LRRC7: variants seen among roughly 807,000 people sequenced by gnomAD.
LRRC7 encodes the protein leucine rich repeat containing 7, also known as leucine-rich repeat-containing protein 7.
Under a neutral mutation model 175.7 loss-of-function variants are expected in LRRC7, and 23 were observed. That is an observed-to-expected ratio of 0.13 (90% CI 0.09 to 0.19). The LOEUF is 0.19. LRRC7 is among the 10% of genes least tolerant of loss of function. The probability of loss-of-function intolerance (pLI) is 1.00; values close to 1 mark genes in which losing one functional copy is unlikely to be tolerated. For missense variants in LRRC7, 1,354 were observed against 1,904.7 expected, an observed-to-expected ratio of 0.71 and a Z score of 5.38; for synonymous variants, 685 against 680.9, an observed-to-expected ratio of 1.01 and a Z score of -0.09.
At chr1:70,056,601 C>T (rs951079135) in intron 23 of LRRC7, among the ~76,000 whole-genome samples, 7 of 152,140 alleles carry the variant, frequency 4.6e-5, no homozygotes, top group African/African-American at 1.4e-4. Context: ...TCAAATCCAG[C>T]AAGAGAGAGA....
chr1:69,863,324 A>G (rs964239018), intron 7 of LRRC7, among the ~76,000 whole-genome samples: 6 of 152,166 alleles, frequency 3.9e-5, no homozygotes, highest in Non-Finnish European at 5.9e-5. Context: ...TTTAATTTCT[A>G]TATAACACTG....
intron 4 of LRRC7, among the ~76,000 whole-genome samples, chr1:69,793,549 T>C (rs942628197): frequency 6.6e-6 from 1 of 152,060 alleles, no homozygotes; most frequent in Non-Finnish European, 1.5e-5. Flanking sequence ...TTTTCTTAAA[T>C]GTACTGTCAA....
chr1:69,805,489 C>A (rs1476213233), intron 4 of LRRC7, among the ~76,000 whole-genome samples: 1 of 151,908 alleles, frequency 6.6e-6, no homozygotes, highest in African/African-American at 2.4e-5. Flanking sequence ...CAAACCATTA[C>A]ACCATTTATT....
intron 2 of LRRC7, among the ~76,000 whole-genome samples, chr1:69,715,763 T>G (rs569421409): frequency 1.3e-5 from 2 of 152,100 alleles, no homozygotes; most frequent in South Asian, 4.1e-4. Context: ...ATAAAATATT[T>G]TTTAAATTTT....
chr1:69,853,350 C>A (rs1019494547), intron 7 of LRRC7, among the ~76,000 whole-genome samples: 3 of 132,432 alleles, frequency 2.3e-5, no homozygotes, highest in Non-Finnish European at 4.6e-5. Context: ...GTGGTCTCAG[C>A]TTACTGCAAC....
Position 70,131,023 on chromosome 1 carries a change from C to G in LRRC7, c.*9136C>G, listed in dbSNP as rs1214779334. On this transcript the variant is annotated 3_prime_UTR_variant, in exon 27 of 27. Transcript: ENST00000651989. ...ATGAATAGATCCCACCCCCTATATC[C>G]CTAAAGTGAAGATGTCATATAGTTC... 6.6e-6 allele frequency among the ~76,000 whole-genome samples: 1 copy of G among 152,100 alleles called. No individual in the cohort carries two copies. Among genetic ancestry groups the G allele is most frequent in the Admixed American group, 6.6e-5 (1 of 15,264 alleles).
chr1:69,916,054 T>C (rs559731862), intron 7 of LRRC7, among the ~76,000 whole-genome samples: 34 of 72,836 alleles, frequency 4.7e-4, no homozygotes, highest in African/African-American at 1.4e-3. Flanking sequence ...ATATATATTT[T>C]ATATGTATAT....
intron 1 of LRRC7, among the ~76,000 whole-genome samples, chr1:69,599,195 A>G (rs1185328100): frequency 6.6e-6 from 1 of 151,836 alleles, no homozygotes; most frequent in Non-Finnish European, 1.5e-5. Context: ...CAGAAGTAGG[A>G]TGGAATATAG....
chr1:70,014,147 GGAAAATGAGGAAAATACGTT>G (rs1180358181), intron 13 of LRRC7: 1 of 151,902 alleles, frequency 6.6e-6, no homozygotes, highest in Non-Finnish European at 1.5e-5. Context: ...TTACTAGCCT[GGAAAATGAGGAAAATACGTT>G]GAAAGTTGTT....
At chr1:69,594,609 T>C (rs1006998771) in intron 1 of LRRC7, among the ~76,000 whole-genome samples, 1 of 152,198 alleles carries the variant, frequency 6.6e-6, no homozygotes, top group African/African-American at 2.4e-5. Context: ...CTATACTAAG[T>C]CTCGTCCATA....
chr1:69,994,526 T>C, intron 10 of LRRC7, 35 bp from the exon 11 acceptor site: 1 of 1,330,088 alleles, frequency 7.5e-7, no homozygotes. Flanking sequence ...CATAATCTGC[T>C]CTTATGTATT....
chr1:70,039,082 A>G lies in LRRC7; in HGVS notation c.3258A>G (p.Ile1086Met). The stretch of plus-strand genomic sequence containing the variant: ...TGGAAGTGAAAGCCGAAAAGAGGAT[A>G]CCACCCCCTTTTCAACACAATCCCG... The part of the protein sequence containing the change: ...GSVEVKAEKR[I>M]PPPFQHNPEY... Residue 1086 changes from isoleucine (I) to methionine (M), a missense_variant, in exon 21 of 27, where the codon ATA becomes ATG. Ile to Met is a conservative substitution (Grantham distance 10). Around this residue, in one of 4 missense-constraint regions of LRRC7, gnomAD observed 1,032 missense variants for 1,227.2 expected, o/e 0.84. Coordinates refer to ENST00000651989, the MANE Select transcript of LRRC7 (RefSeq NM_001370785.2). 3.1e-6 allele frequency: 5 copies of G among 1,614,106 alleles called. No homozygotes were observed. Among genetic ancestry groups the G allele is most frequent in the Non-Finnish European group, 4.2e-6 (5 of 1,180,004 alleles).
At chr1:69,670,955 G>A (rs557954153) in intron 1 of LRRC7, among the ~76,000 whole-genome samples, 1 of 152,292 alleles carries the variant, frequency 6.6e-6, no homozygotes, top group African/African-American at 2.4e-5. Context: ...TCATGCAGGA[G>A]TCGAGGCCTG....
intron 10 of LRRC7, among the ~76,000 whole-genome samples, chr1:69,993,753 G>A (rs1330383644): frequency 6.6e-6 from 1 of 152,094 alleles, no homozygotes; most frequent in Non-Finnish European, 1.5e-5. Context: ...TAGTTCCAAT[G>A]TAAAACAAAA....
intron 1 of LRRC7, among the ~76,000 whole-genome samples, chr1:69,592,979 C>G (rs1646699410): frequency 6.6e-6 from 1 of 151,960 alleles, no homozygotes; most frequent in Admixed American, 6.6e-5. Context: ...ATTTTAAACA[C>G]ACCCACACAA....
intron 8 of LRRC7, among the ~76,000 whole-genome samples, chr1:69,941,661 AAG>A (rs1181936210): frequency 6.6e-6 from 1 of 152,108 alleles, no homozygotes; most frequent in Non-Finnish European, 1.5e-5. Flanking sequence ...GAATAAAAAA[AAG>A]AAACTACAAA....
chr1:69,846,949 G>A (rs1036090430), intron 7 of LRRC7, among the ~76,000 whole-genome samples: 5 of 151,914 alleles, frequency 3.3e-5, no homozygotes, highest in African/African-American at 9.6e-5. Context: ...TGATGCTAAC[G>A]TGCCTTTCTT....
chr1:69,651,765 C>T (rs1418004), intron 1 of LRRC7, among the ~76,000 whole-genome samples: 55,866 of 151,914 alleles, frequency 0.37, 10,838 homozygotes, highest in East Asian at 0.48. Flanking sequence ...CCCTGCTTCT[C>T]GGTCAAGGGA....
At chr1:69,831,174 G>A (rs1680490410) in intron 5 of LRRC7, among the ~76,000 whole-genome samples, 1 of 151,858 alleles carries the variant, frequency 6.6e-6, no homozygotes, top group Non-Finnish European at 1.5e-5. Context: ...CAGTGACACT[G>A]TTAAAATAAA....
Sources: gnomAD v4.1 joint callset for allele counts (sites outside exome capture counted in the v4.1 genomes callset) on GRCh38, gnomAD v4.1.1 for gene constraint, gnomAD v4.1.1 regional missense constraint, MANE v1.5 for transcripts, NCBI Gene and HGNC (gene_info 2026-07-23, HGNC 2026-07-21) for gene names.